Variants in TENM4 observed in about 807,000 individuals in gnomAD.
The protein encoded by TENM4 is teneurin-4.
Under a neutral mutation model 243.3 loss-of-function variants are expected in TENM4, and 82 were observed. The observed-to-expected ratio is 0.34, with a 90% CI of 0.28 to 0.40. The LOEUF (loss-of-function observed/expected upper bound fraction) is 0.40, where lower values mean the gene tolerates loss of function less well. TENM4 is among the 10% of genes least tolerant of loss of function. The probability of loss-of-function intolerance (pLI) is 1.00; values close to 1 mark genes in which losing one functional copy is unlikely to be tolerated. For missense variants in TENM4, 3,138 were observed against 3,673.3 expected, an observed-to-expected ratio of 0.85 and a Z score of 3.77; for synonymous variants, 1,412 against 1,456.3, an observed-to-expected ratio of 0.97 and a Z score of 0.69.
chr11:79,282,171 A>T (rs1028579865), intron 2 of TENM4, among the ~76,000 whole-genome samples: 3 of 152,240 alleles, frequency 2.0e-5, no homozygotes, highest in Admixed American at 2.0e-4. Context: ...ACTGAAAAGG[A>T]TGTAAAATGA....
intron 6 of TENM4, among the ~76,000 whole-genome samples, chr11:79,022,563 A>C: frequency 6.6e-6 from 1 of 152,344 alleles, no homozygotes; most frequent in African/African-American, 2.4e-5. Flanking sequence ...TGGCTGTGGC[A>C]ATCACTCTGC....
rs1044401698 is a variant in TENM4, at chr11:78,669,686, T to C, written c.6659A>G (p.Asn2220Ser). 3.7e-6 allele frequency: 6 copies of C among 1,613,984 alleles called. No individual in the cohort carries two copies. In the East Asian group the frequency reaches 6.7e-5, roughly 18 times the overall value. The change falls in exon 32 of 34, where the codon AAT (asparagine) becomes AGT (serine). Residue 2220 changes from asparagine (N) to serine (S), a missense_variant. Physicochemically the swap from Asn to Ser is conservative, Grantham distance 46. Transcript: ENST00000278550. This position sits in a 1 kb window ranked among gnomAD's most constrained non-coding sequence, Gnocchi z 6.4. The part of the protein sequence containing the change: ...KPLWRYSYDL[N>S]GNLHLLSPGN... The stretch of plus-strand genomic sequence containing the variant: ...AGGGCTCAGTAAGTGCAGGTTCCCA[T>C]TGAGGTCGTAGCTGTAGCGCCAGAG...
At chr11:79,212,558 T>C (rs1437974637) in intron 3 of TENM4, among the ~76,000 whole-genome samples, 1 of 152,172 alleles carries the variant, frequency 6.6e-6, no homozygotes, top group African/African-American at 2.4e-5. Flanking sequence ...ACTGAATGAA[T>C]GAGTCAGTCA....
chr11:78,728,991 CA>C (rs5792815), intron 22 of TENM4, among the ~76,000 whole-genome samples: 51 of 147,634 alleles, frequency 3.5e-4, no homozygotes, highest in East Asian at 2.2e-3. Flanking sequence ...TACTGCACCT[CA>C]AAAAAAAAAA....
chr11:79,419,006 G>A (rs1191315285), intron 1 of TENM4, among the ~76,000 whole-genome samples: 1 of 152,226 alleles, frequency 6.6e-6, no homozygotes, highest in East Asian at 1.9e-4. Flanking sequence ...TGCCACCTCT[G>A]AAGGAAGTCA....
Position 78,722,651 on chromosome 11 carries a change from A to G in TENM4, c.3800+17T>C, listed in dbSNP as rs772844011. On this transcript the variant is annotated intron_variant, in intron 24 of 33. Transcript: ENST00000278550. ...GCATATTATTAGGAACTATGAAGAA[A>G]GCATCACCTTACATACCTCAGCTCT... The G allele has an allele frequency of 1.2e-6, 2 of 1,605,214 alleles. No individual in the cohort carries two copies. Among genetic ancestry groups the G allele is most frequent in the East Asian group, 4.5e-5 (2 of 44,648 alleles).
intron 6 of TENM4, among the ~76,000 whole-genome samples, chr11:78,921,676 G>T (rs1203605653): frequency 1.3e-5 from 2 of 152,194 alleles, no homozygotes; most frequent in African/African-American, 4.8e-5. Context: ...AAGGAGGGAG[G>T]TGTCAGTCCT....
intron 2 of TENM4, among the ~76,000 whole-genome samples, chr11:79,284,655 G>C (rs1472781030): frequency 6.6e-6 from 1 of 152,188 alleles, no homozygotes; most frequent in Non-Finnish European, 1.5e-5. Context: ...TTTCTTAGAT[G>C]TGACACCAAA....
chr11:79,218,168 A>G (rs928832014), intron 2 of TENM4, among the ~76,000 whole-genome samples: 1 of 152,220 alleles, frequency 6.6e-6, no homozygotes, highest in Non-Finnish European at 1.5e-5. Flanking sequence ...CAAATAGGCA[A>G]TAATGGCTAT....
At chr11:79,351,774 C>T (rs1159659547) in intron 1 of TENM4, among the ~76,000 whole-genome samples, 1 of 152,118 alleles carries the variant, frequency 6.6e-6, no homozygotes, top group Non-Finnish European at 1.5e-5. Flanking sequence ...CCAGACCAAT[C>T]ATCTTCTCCA....
intron 3 of TENM4, among the ~76,000 whole-genome samples, chr11:79,192,624 A>G (rs1057512037): frequency 6.6e-6 from 1 of 152,056 alleles, no homozygotes; most frequent in Non-Finnish European, 1.5e-5. Context: ...CAGGGACACA[A>G]ACACTCTGCC....
chr11:79,138,552 TATATAA>T (rs1318446041), intron 4 of TENM4, among the ~76,000 whole-genome samples: 1,755 of 35,908 alleles, frequency 0.049, 103 homozygotes, highest in Non-Finnish European at 0.057. Flanking sequence ...ATATTATATT[TATATAA>T]ATACATAAAA....
intron 14 of TENM4, among the ~76,000 whole-genome samples, chr11:78,811,108 A>T (rs937031570): frequency 6.6e-6 from 1 of 152,198 alleles, no homozygotes; most frequent in Admixed American, 6.5e-5. Context: ...ATTTAATTCA[A>T]TCCTCACAAT....
In TENM4 at chr11:78,863,075, T is replaced by G; in HGVS notation, c.1142A>C (p.Glu381Ala). The change falls in exon 10 of 34, where the codon GAG becomes GCG. Residue 381 changes from glutamate (E) to alanine (A), a missense_variant. Around this residue, in one of 2 missense-constraint regions of TENM4, gnomAD observed 671 missense variants for 614.1 expected, o/e 1.09. Coordinates refer to ENST00000278550, the MANE Select transcript of TENM4 (RefSeq NM_001098816.3). ...HLQPMEGQMY[E>A]ITEDTASSWP... ...ACTGCTGGCTGTGTCCTCCGTGATC[T>G]CATACATCTGCCCCTCCATCGGCTG... 1 of 1,535,408 alleles carries G rather than the reference T, an allele frequency of 6.5e-7. No individual in the cohort carries two copies. The highest frequency in any genetic ancestry group is 8.8e-7 in the Non-Finnish European group (1 of 1,134,896).
At chr11:78,674,196 T>A (rs1221148932) in intron 30 of TENM4, among the ~76,000 whole-genome samples, 1 of 152,334 alleles carries the variant, frequency 6.6e-6, no homozygotes, top group East Asian at 1.9e-4. Context: ...AGCCGCCTAA[T>A]GCGTCCTGTG....
intron 32 of TENM4, among the ~76,000 whole-genome samples, chr11:78,667,749 T>G (rs1858191344): frequency 6.6e-6 from 1 of 152,162 alleles, no homozygotes; most frequent in Non-Finnish European, 1.5e-5. Context: ...ACTTGTAGAA[T>G]GAAGGAAACT....
rs565210786 is a variant in TENM4 at position 79,012,370 on chromosome 11, C to A, written c.493+52368G>T. ...AGACCATCCTATCTGCTCTTAGGAT[C>A]TTGCCTGGAAAAGCTTGAAAGATGG... On this transcript the variant is annotated intron_variant, in intron 6 of 33. Transcript: ENST00000278550. 1.2e-4 allele frequency among the ~76,000 whole-genome samples: 18 copies of A among 152,286 alleles called. No individual in the cohort carries two copies. In the South Asian group the frequency reaches 2.1e-3, roughly 18 times the overall value.
intron 2 of TENM4, among the ~76,000 whole-genome samples, chr11:79,258,716 G>T (rs1311321120): frequency 6.6e-6 from 1 of 152,172 alleles, no homozygotes; most frequent in Non-Finnish European, 1.5e-5. Context: ...CAGAGCCAGG[G>T]GCTTAAGCGG....
chr11:78,887,968 T>G (rs1433145089), intron 9 of TENM4, among the ~76,000 whole-genome samples: 1 of 152,224 alleles, frequency 6.6e-6, no homozygotes, highest in Non-Finnish European at 1.5e-5. Flanking sequence ...ATAATAATGT[T>G]AGTCAAAACC....
Sources: allele counts gnomAD v4.1 joint callset (sites outside exome capture counted in the v4.1 genomes callset), GRCh38; gene constraint gnomAD v4.1.1; regional missense constraint gnomAD v4.1.1; non-coding constraint Gnocchi (gnomAD v3.1); transcripts MANE v1.5; gene names NCBI Gene and HGNC (gene_info 2026-07-23, HGNC 2026-07-21).